VPS13B: variants seen among roughly 807,000 people sequenced by gnomAD.
VPS13B encodes the protein intermembrane lipid transfer protein VPS13B.
VPS13B carries 285 observed loss-of-function variants against 426.4 expected under a neutral mutation model. The observed-to-expected ratio is 0.67, with a 90% confidence interval of 0.61 to 0.74. VPS13B has a LOEUF of 0.74. Among genes scored for constraint, VPS13B ranks in the 30% least tolerant of loss-of-function variants. The pLI is 0.00. For synonymous variants in VPS13B, 1,676 were observed against 1,676.4 expected (o/e 1.00, Z 0.01); for missense variants, 4,537 against 4,782.6 (o/e 0.95, Z 1.51).
chr8:99,643,192 C>G (rs1204665585), intron 34 of VPS13B, among the ~76,000 whole-genome samples: 1 of 151,948 alleles, frequency 6.6e-6, no homozygotes, highest in African/African-American at 2.4e-5. Flanking sequence ...GACAGTATAC[C>G]CTTTCCCTGA....
Position 99,384,600 on chromosome 8 carries a change from T to C in VPS13B, c.2934+283T>C, listed in dbSNP as rs554017271. On this transcript the variant is annotated intron_variant, in intron 20 of 61. Coordinates refer to ENST00000357162, the MANE Select transcript of VPS13B (RefSeq NM_152564.5). ...TTCACCAGTCTTCATTCTTTCATAG[T>C]GTCTACATGTCCATTCTCATGGTGT... is the stretch of plus-strand genomic sequence containing the variant. Among the ~76,000 whole-genome samples the C allele has an allele frequency of 5.9e-5, 9 of 152,344 alleles. No individual in the cohort carries two copies. The East Asian group carries it at 1.5e-3, about 26-fold the overall frequency.
intron 33 of VPS13B, among the ~76,000 whole-genome samples, chr8:99,631,771 C>T (rs1386377): frequency 0.19 from 28,345 of 151,494 alleles, 3,223 homozygotes; most frequent in East Asian, 0.45. Flanking sequence ...CCCCCTAGAA[C>T]GTAAACTTCA....
In VPS13B at chr8:99,053,530, G is replaced by C. The variant is rs1021145283; in HGVS notation, c.291+14964G>C. On this transcript the variant is annotated intron_variant, in intron 3 of 61. Coordinates refer to ENST00000357162, the MANE Select transcript of VPS13B (RefSeq NM_152564.5). ...CAGCCATCATTCTATTATACTTTCT[G>C]TTTCTATGATTTTGAGTATTCTAAG... 6.6e-5 allele frequency among the ~76,000 whole-genome samples: 10 copies of C among 151,986 alleles called. No individual in the cohort carries two copies. In the South Asian group the frequency reaches 1.0e-3, roughly 16 times the overall value.
chr8:99,615,366 C>G (rs1230701213), intron 33 of VPS13B, among the ~76,000 whole-genome samples: 2 of 152,104 alleles, frequency 1.3e-5, no homozygotes, highest in South Asian at 2.1e-4. Flanking sequence ...TTCTGTGATT[C>G]CTCTGAGCCT....
At chr8:99,638,791 G>T (rs1829174606) in intron 33 of VPS13B, among the ~76,000 whole-genome samples, 1 of 152,144 alleles carries the variant, frequency 6.6e-6, no homozygotes, top group African/African-American at 2.4e-5. Context: ...ACAGTATTGA[G>T]AATTCTCCAT....
Position 99,819,941 on chromosome 8 carries a change from G to A in VPS13B, c.8813G>A (p.Trp2938Ter). The change falls in exon 49 of 62, where the codon TGG becomes TAG. Residue 2938 changes from tryptophan to a stop codon, truncating the protein, a stop_gained. Coordinates refer to ENST00000357162, the MANE Select transcript of VPS13B (RefSeq NM_152564.5). LOFTEE classifies it high-confidence loss of function. ...DSDRNEQLSQ[W>*]DSPMRVKLSI... ...AACAGGAATGAACAGCTAAGTCAGT[G>A]GGATAGCCCAATGCGAGTGAAGCTG... 2 of 1,613,974 alleles carry A rather than the reference G, an allele frequency of 1.2e-6. No homozygotes were observed. The highest frequency in any genetic ancestry group is 2.2e-5 in the East Asian group (1 of 44,868).
intron 33 of VPS13B, among the ~76,000 whole-genome samples, chr8:99,619,606 TTGCATC>T (rs1236998153): frequency 6.6e-6 from 1 of 152,180 alleles, no homozygotes; most frequent in Non-Finnish European, 1.5e-5. Context: ...GTATGGGAGT[TTGCATC>T]TGCAATCCCA....
intron 31 of VPS13B, among the ~76,000 whole-genome samples, chr8:99,571,863 C>T (rs977704878): frequency 6.6e-6 from 1 of 152,142 alleles, no homozygotes; most frequent in African/African-American, 2.4e-5. Context: ...AATTGACTTT[C>T]TTGAAATCCA....
intron 17 of VPS13B, chr8:99,233,809 G>A (rs1816490898): frequency 1.3e-6 from 1 of 778,362 alleles, no homozygotes; most frequent in Non-Finnish European, 2.4e-6. Context: ...TGTGGGCCAC[G>A]ATTTTCAGAG....
At chr8:99,077,944 C>G (rs1217906734) in intron 3 of VPS13B, among the ~76,000 whole-genome samples, 1 of 151,622 alleles carries the variant, frequency 6.6e-6, no homozygotes, top group African/African-American at 2.4e-5. Context: ...TTTAGAAATT[C>G]TTTCTGTTGC....
intron 17 of VPS13B, among the ~76,000 whole-genome samples, chr8:99,212,868 T>A (rs1217304478): frequency 6.6e-6 from 1 of 152,196 alleles, no homozygotes; most frequent in Non-Finnish European, 1.5e-5. Flanking sequence ...TTTTTGATGT[T>A]CTTAACCATA....
intron 12 of VPS13B, among the ~76,000 whole-genome samples, chr8:99,139,724 A>G (rs1433957723): frequency 6.6e-6 from 1 of 152,076 alleles, no homozygotes; most frequent in Non-Finnish European, 1.5e-5. Context: ...GGTGTGAGCC[A>G]CTGCGCCCGG....
rs556011530 is a variant in VPS13B, at chr8:99,421,805, G to A, written c.3083-9732G>A. Among the ~76,000 whole-genome samples, 24 of 152,138 alleles carry A rather than the reference G, an allele frequency of 1.6e-4. No homozygotes were observed. In the South Asian group the frequency reaches 4.8e-3, roughly 30 times the overall value. On this transcript the variant is annotated intron_variant, in intron 21 of 61. Transcript: ENST00000357162. ...AGATCCTCCTGTCTCAGCCTCCCGAGCAACTGGGACTACAGGCATGCACCA... is the reference window on the plus strand; with the variant it reads ...AGATCCTCCTGTCTCAGCCTCCCGAACAACTGGGACTACAGGCATGCACCA...
chr8:99,295,635 A>G (rs1819992182), intron 19 of VPS13B, among the ~76,000 whole-genome samples: 2 of 152,212 alleles, frequency 1.3e-5, no homozygotes, highest in African/African-American at 4.8e-5. Context: ...ACTGTAGAGT[A>G]CAGATTGTTT....
At chr8:99,602,297 C>G (rs544692059) in intron 33 of VPS13B, among the ~76,000 whole-genome samples, 2 of 152,268 alleles carry the variant, frequency 1.3e-5, no homozygotes, top group East Asian at 3.9e-4. Context: ...TGTCAAAGAT[C>G]AGATGGTTGT....
intron 33 of VPS13B, among the ~76,000 whole-genome samples, chr8:99,622,200 T>G (rs1828388090): frequency 6.6e-6 from 1 of 152,112 alleles, no homozygotes; most frequent in Non-Finnish European, 1.5e-5. Flanking sequence ...TCCATGAAAT[T>G]TTTTCACTTA....
At chr8:99,384,455 A>G (rs1814007202) in intron 20 of VPS13B, 138 bp downstream of exon 20, 2 of 712,090 alleles carry the variant, frequency 2.8e-6, no homozygotes. Context: ...ACCCCTTTCA[A>G]ACAATTCCGT....
chr8:99,145,040 T>G (rs759772624), intron 13 of VPS13B, among the ~76,000 whole-genome samples: 2 of 152,252 alleles, frequency 1.3e-5, no homozygotes, highest in Non-Finnish European at 2.9e-5. Flanking sequence ...TGCAAGAGCC[T>G]TGAGGTAGGA....
Position 99,848,786 on chromosome 8 carries a change from T to C in VPS13B, c.9953T>C (p.Leu3318Pro). 6.2e-7 allele frequency: 1 copy of C among 1,614,148 alleles called. No individual in the cohort carries two copies. Among genetic ancestry groups the C allele is most frequent in the Non-Finnish European group, 8.5e-7 (1 of 1,179,972 alleles). The change falls in exon 55 of 62, where the codon CTG (leucine) becomes CCG (proline). Residue 3318 changes from leucine (L) to proline (P), a missense_variant. Around this residue, in one of 2 missense-constraint regions of VPS13B, gnomAD observed 4,311 missense variants for 4,474.3 expected, o/e 0.96. Coordinates refer to ENST00000357162, the MANE Select transcript of VPS13B (RefSeq NM_152564.5). ...ATATTCTTTCTGCAGGTTGTGTTCCTGACTGGCTTTGGCTATGTGTATGTG... is the reference window on the plus strand; with the variant it reads ...ATATTCTTTCTGCAGGTTGTGTTCCCGACTGGCTTTGGCTATGTGTATGTG... ...INSQGTQVVF[L>P]TGFGYVYVDV...
Sources: gnomAD v4.1 joint callset for allele counts (sites outside exome capture counted in the v4.1 genomes callset) on GRCh38, gnomAD v4.1.1 for gene constraint, gnomAD v4.1.1 regional missense constraint, MANE v1.5 for transcripts, NCBI Gene and HGNC (gene_info 2026-07-23, HGNC 2026-07-21) for gene names.